Variants in IQCM observed in about 807,000 individuals in gnomAD.
IQCM encodes IQ domain-containing protein M.
In IQCM, 45 loss-of-function variants were observed where a neutral mutation model predicts 57.6. The observed-to-expected ratio is 0.78, with a 90% CI of 0.62 to 1.00. IQCM has a LOEUF of 1.00. Among genes scored for constraint, IQCM ranks in the 50% least tolerant of loss-of-function variants. The probability of loss-of-function intolerance (pLI) is 0.00; values close to 1 mark genes in which losing one functional copy is unlikely to be tolerated. For synonymous variants in IQCM, 148 were observed against 158.9 expected (o/e 0.93, Z 0.51); for missense variants, 468 against 511.6 (o/e 0.91, Z 0.82).
chr4:149,681,082 G>C (rs1031829718), intron 7 of IQCM, among the ~76,000 whole-genome samples: 2 of 151,226 alleles, frequency 1.3e-5, no homozygotes, highest in African/African-American at 4.8e-5. Flanking sequence ...AATTCTAAAT[G>C]TCACAGAATT....
chr4:149,563,573 C>CA, intron 10 of IQCM, 119 bp downstream of exon 10: 1 of 684,118 alleles, frequency 1.5e-6, no homozygotes, highest in Non-Finnish European at 2.0e-6. Context: ...ACAACAACAG[C>CA]AAAACTCTAT....
intron 2 of IQCM, among the ~76,000 whole-genome samples, chr4:149,806,629 A>C (rs1439580604): frequency 6.6e-6 from 1 of 151,978 alleles, no homozygotes; most frequent in Non-Finnish European, 1.5e-5. Context: ...AACTTTTATA[A>C]GTAAGTCCCT....
intron 13 of IQCM, among the ~76,000 whole-genome samples, chr4:149,367,254 T>C (rs1729908127): frequency 6.6e-6 from 1 of 152,048 alleles, no homozygotes. Context: ...CATTATATTG[T>C]TGTGTGATTT....
intron 7 of IQCM, among the ~76,000 whole-genome samples, chr4:149,651,069 A>G (rs1340259295): frequency 6.6e-6 from 1 of 152,196 alleles, no homozygotes; most frequent in Non-Finnish European, 1.5e-5. Flanking sequence ...CCTAAAGCAT[A>G]TTGCATGAGA....
At chr4:149,413,309 G>A (rs984784312) in intron 13 of IQCM, among the ~76,000 whole-genome samples, 8 of 152,192 alleles carry the variant, frequency 5.3e-5, no homozygotes, top group African/African-American at 1.4e-4. Context: ...GAAGAAGTAA[G>A]GAGAATAGAT....
chr4:149,568,069 T>C (rs1404490169), intron 9 of IQCM, among the ~76,000 whole-genome samples: 3 of 152,138 alleles, frequency 2.0e-5, no homozygotes, highest in Non-Finnish European at 4.4e-5. Flanking sequence ...CCTGGGGCTA[T>C]AAAAGACCTC....
chr4:149,601,636 C>A (rs964573929), intron 8 of IQCM, among the ~76,000 whole-genome samples: 5 of 152,118 alleles, frequency 3.3e-5, no homozygotes, highest in Admixed American at 1.3e-4. Flanking sequence ...GTACTTCAGG[C>A]TTATAAATAA....
At chr4:149,524,631 T>C (rs924599481) in intron 12 of IQCM, among the ~76,000 whole-genome samples, 1 of 151,540 alleles carries the variant, frequency 6.6e-6, no homozygotes, top group African/African-American at 2.4e-5. Flanking sequence ...AATAATAAAA[T>C]AAGCAAAAAA....
rs191957869 is a variant in IQCM at position 149,360,698 on chromosome 4, T to A, written c.1391-8632A>T. On this transcript the variant is annotated intron_variant, in intron 13 of 13. Transcript: ENST00000636793. ...CTCATTTTCTCTTGCTGCCACCATGTAAGAAGTGCCATTCACCTCATGCCA... is the reference window on the plus strand; with the variant it reads ...CTCATTTTCTCTTGCTGCCACCATGAAAGAAGTGCCATTCACCTCATGCCA... Among the ~76,000 whole-genome samples, 8 of 152,296 alleles carry A rather than the reference T, an allele frequency of 5.3e-5. No individual in the cohort carries two copies. The East Asian group carries it at 1.4e-3, about 26-fold the overall frequency.
intron 8 of IQCM, among the ~76,000 whole-genome samples, chr4:149,593,916 C>T (rs1025309030): frequency 6.6e-6 from 1 of 151,748 alleles, no homozygotes; most frequent in Non-Finnish European, 1.5e-5. Context: ...GTCTAAAATT[C>T]TCTTTTTTTG....
At chr4:149,710,634 T>C (rs1224276317) in intron 5 of IQCM, among the ~76,000 whole-genome samples, 1 of 152,138 alleles carries the variant, frequency 6.6e-6, no homozygotes, top group Non-Finnish European at 1.5e-5. Context: ...AAAAAGTGAC[T>C]GACAAAGCTC....
At chr4:149,609,110 G>A (rs1755050542) in intron 8 of IQCM, among the ~76,000 whole-genome samples, 1 of 151,560 alleles carries the variant, frequency 6.6e-6, no homozygotes, top group Non-Finnish European at 1.5e-5. Context: ...ATTATAATTA[G>A]CAACTATATG....
intron 2 of IQCM, among the ~76,000 whole-genome samples, chr4:149,795,413 G>A (rs998318995): frequency 1.3e-5 from 2 of 152,114 alleles, no homozygotes; most frequent in African/African-American, 2.4e-5. Flanking sequence ...CTAGCCAGAG[G>A]GGAATCACTG....
chr4:149,773,267 G>A (rs2149992500), intron 2 of IQCM, among the ~76,000 whole-genome samples: 1 of 152,022 alleles, frequency 6.6e-6, no homozygotes, highest in East Asian at 1.9e-4. Context: ...CAGGAAAATG[G>A]CGTGAACCCG....
chr4:149,529,487 C>T (rs1203715698), intron 12 of IQCM, among the ~76,000 whole-genome samples: 1 of 152,172 alleles, frequency 6.6e-6, no homozygotes. Flanking sequence ...GGTCTCATCC[C>T]ATTTCAGGCT....
At chr4:149,526,551 C>T (rs1044338677) in intron 12 of IQCM, among the ~76,000 whole-genome samples, 29 of 151,994 alleles carry the variant, frequency 1.9e-4, no homozygotes, top group African/African-American at 6.3e-4. Context: ...AGCCTGCTTA[C>T]ATTACACAAA....
At chr4:149,361,106 C>T (rs980373623) in intron 13 of IQCM, among the ~76,000 whole-genome samples, 17 of 152,164 alleles carry the variant, frequency 1.1e-4, no homozygotes, top group East Asian at 3.8e-4. Flanking sequence ...AAGAGACTGG[C>T]GGCATTTTGC....
intron 9 of IQCM, among the ~76,000 whole-genome samples, chr4:149,570,645 C>T (rs1751064845): frequency 6.6e-6 from 1 of 151,914 alleles, no homozygotes; most frequent in Non-Finnish European, 1.5e-5. Flanking sequence ...TAATGTGACA[C>T]CAGGGGATTT....
intron 2 of IQCM, among the ~76,000 whole-genome samples, chr4:149,745,249 C>G (rs1274241175): frequency 6.6e-6 from 1 of 152,098 alleles, no homozygotes; most frequent in Non-Finnish European, 1.5e-5. Flanking sequence ...TAGCAGAGGG[C>G]TACATTTTAT....
Sources: allele counts gnomAD v4.1 joint callset (sites outside exome capture counted in the v4.1 genomes callset), GRCh38; gene constraint gnomAD v4.1.1; transcripts MANE v1.5; gene names NCBI Gene and HGNC (gene_info 2026-07-23, HGNC 2026-07-21).